FAT4: variants seen among roughly 807,000 people sequenced by gnomAD.
The protein encoded by FAT4 is FAT atypical cadherin 4, also known as protocadherin Fat 4.
A neutral mutation model predicts 303.9 loss-of-function variants in FAT4; 84 were observed. The observed-to-expected ratio is 0.28, with a 90% CI of 0.23 to 0.33. The LOEUF (loss-of-function observed/expected upper bound fraction) is 0.33. Among genes scored for constraint, FAT4 ranks in the 10% least tolerant of loss-of-function variants. The pLI is 1.00. For missense variants in FAT4, 6,005 were observed against 6,146.8 expected, an observed-to-expected ratio of 0.98 and a Z score of 0.77; for synonymous variants, 2,307 against 2,298.8, an observed-to-expected ratio of 1.00 and a Z score of -0.10.
chr4:125,400,434 T>G (rs1578599134), intron 3 of FAT4, among the ~76,000 whole-genome samples: 1 of 152,200 alleles, frequency 6.6e-6, no homozygotes, highest in South Asian at 2.1e-4. Context: ...GTTATAATTT[T>G]ATTTCCTTCC....
intron 2 of FAT4, among the ~76,000 whole-genome samples, chr4:125,391,931 A>T (rs1453817848): frequency 6.6e-6 from 1 of 152,124 alleles, no homozygotes; most frequent in Non-Finnish European, 1.5e-5. Flanking sequence ...TTTGCTTAAA[A>T]ACAGAAATAT....
At chr4:125,394,597 T>C (rs1450334919) in intron 2 of FAT4, among the ~76,000 whole-genome samples, 1 of 152,200 alleles carries the variant, frequency 6.6e-6, no homozygotes, top group Non-Finnish European at 1.5e-5. Context: ...TTAAGAATTA[T>C]AAAAATGTAG....
At chr4:125,337,100 A>G (rs752240977) in intron 2 of FAT4, among the ~76,000 whole-genome samples, 1 of 151,952 alleles carries the variant, frequency 6.6e-6, no homozygotes, top group Non-Finnish European at 1.5e-5. Context: ...CTGGTCTTCA[A>G]TTGTTATAAA....
intron 3 of FAT4, among the ~76,000 whole-genome samples, chr4:125,399,145 TTTAGG>T (rs1734291809): frequency 6.6e-6 from 1 of 152,100 alleles, no homozygotes; most frequent in Admixed American, 6.6e-5. Flanking sequence ...CTGCTTGCAC[TTTAGG>T]TTACTTAGCC....
intron 16 of FAT4, among the ~76,000 whole-genome samples, chr4:125,486,180 A>C (rs1235478238): frequency 4.0e-5 from 6 of 151,398 alleles, no homozygotes. Context: ...AGCTATAACC[A>C]AAGAAAGTTG....
chr4:125,316,334 C>A lies in FAT4; in HGVS notation c.-12-66C>A. Reference sequence around the variant, plus strand: ...CGTCAGCTGAATCTTTGCTGGCGCTCCTTAATCCCTGTAAATATCATTGCG... The same window carrying A: ...CGTCAGCTGAATCTTTGCTGGCGCTACTTAATCCCTGTAAATATCATTGCG... On this transcript the variant is annotated intron_variant, in intron 1 of 17. Coordinates refer to ENST00000394329, the MANE Select transcript of FAT4 (RefSeq NM_001291303.3). This position sits in a 1 kb window ranked among gnomAD's most constrained non-coding sequence, Gnocchi z 5.7. 6.6e-7 allele frequency: 1 copy of A among 1,508,542 alleles called. No individual in the cohort carries two copies. The highest frequency in any genetic ancestry group is 1.3e-5 in the South Asian group (1 of 76,082). The allele number at this position is 1,508,542 out of a possible 1,614,324, so 93.4% of individuals were successfully genotyped here.
chr4:125,490,816 T>C lies in FAT4; in HGVS notation c.14000T>C (p.Met4667Thr), dbSNP rs377437035. Residue 4667 changes from methionine (M) to threonine (T), a missense_variant, in exon 18 of 18, where the codon ATG (methionine) becomes ACG (threonine). Coordinates refer to ENST00000394329, the MANE Select transcript of FAT4 (RefSeq NM_001291303.3). ...SPLGFARQSP[M>T]PLGASSLTYQ... ...CTAGGCTTTGCAAGGCAATCCCCCA[T>C]GCCCTTAGGAGCAAGCAGTTTGACT... is the stretch of plus-strand genomic sequence containing the variant. 48 of 1,614,034 alleles carry C rather than the reference T, an allele frequency of 3.0e-5. No individual in the cohort carries two copies. The highest frequency in any genetic ancestry group is 3.8e-5 in the Non-Finnish European group (45 of 1,180,042).
At chr4:125,483,549 G>A (rs1329218077) in intron 16 of FAT4, among the ~76,000 whole-genome samples, 1 of 152,054 alleles carries the variant, frequency 6.6e-6, no homozygotes, top group Non-Finnish European at 1.5e-5. Context: ...ATCCATTTTT[G>A]TCACCATAAA....
chr4:125,454,361 A>G (rs1446183417), intron 10 of FAT4, among the ~76,000 whole-genome samples: 1 of 152,230 alleles, frequency 6.6e-6, no homozygotes, highest in African/African-American at 2.4e-5. Flanking sequence ...GTAAATGAAG[A>G]AAAAGTGGCA....
intron 12 of FAT4, among the ~76,000 whole-genome samples, chr4:125,471,207 G>C (rs1192003587): frequency 6.6e-6 from 1 of 152,114 alleles, no homozygotes; most frequent in Non-Finnish European, 1.5e-5. Flanking sequence ...AACATCCAAG[G>C]ACACTTCACT....
At chr4:125,471,895 C>A (rs954902992) in intron 12 of FAT4, among the ~76,000 whole-genome samples, 183 of 56,122 alleles carry the variant, frequency 3.3e-3, no homozygotes, top group Middle Eastern at 0.028. Context: ...ACTAAAAATA[C>A]AAAAAAAAAA....
intron 2 of FAT4, among the ~76,000 whole-genome samples, chr4:125,361,122 G>A (rs1459474249): frequency 6.6e-6 from 1 of 151,758 alleles, no homozygotes; most frequent in Non-Finnish European, 1.5e-5. Flanking sequence ...TTTCCCCAGT[G>A]GGGCAAAGTT....
At chr4:125,428,263 T>A (rs1848578) in intron 7 of FAT4, among the ~76,000 whole-genome samples, 5 of 152,032 alleles carry the variant, frequency 3.3e-5, no homozygotes, top group African/African-American at 9.7e-5. Context: ...ACACCGCTGC[T>A]CTTCAGCCTG....
rs756218600 is a variant in FAT4 at position 125,450,339 on chromosome 4, T to C, written c.9329T>C (p.Val3110Ala). The change falls in exon 10 of 18, where the codon GTC (valine) becomes GCC (alanine). Residue 3110 changes from valine (V) to alanine (A), a missense_variant. Transcript: ENST00000394329. ...IPESHSIGSI[V>A]RTVSARDRDA... ...GAGAGCCATAGCATTGGGTCCATTG[T>C]CAGAACTGTTTCTGCAAGAGATAGA... The C allele has an allele frequency of 1.9e-6, 3 of 1,614,132 alleles. No individual in the cohort carries two copies. The highest frequency in any genetic ancestry group is 2.5e-6 in the Non-Finnish European group (3 of 1,179,990).
Position 125,415,061 on chromosome 4 carries a change from G to A in FAT4, c.6098G>A (p.Ser2033Asn), listed in dbSNP as rs748543283. The change falls in exon 6 of 18, where the codon AGC (serine) becomes AAC (asparagine). Residue 2033 changes from serine (S) to asparagine (N), a missense_variant. By Grantham distance (46) the Ser-to-Asn change is conservative. Transcript: ENST00000394329. ...LPQIPASRFTSTAQVSIILLD... is the reference protein window; with the variant it reads ...LPQIPASRFTNTAQVSIILLD... ...CAGATTCCAGCCTCCAGATTCACAA[G>A]CACTGCTCAAGTCTCCATTATTTTG... The A allele has an allele frequency of 1.9e-6, 3 of 1,613,894 alleles. No individual in the cohort carries two copies. The highest frequency in any genetic ancestry group is 2.5e-6 in the Non-Finnish European group (3 of 1,179,970).
rs749582331 is a variant in FAT4 at position 125,317,190 on chromosome 4, C to G, written c.779C>G (p.Pro260Arg). The change falls in exon 2 of 18, where the codon CCT (proline) becomes CGT (arginine). Residue 260 changes from proline (P) to arginine (R), a missense_variant. Coordinates refer to ENST00000394329, the MANE Select transcript of FAT4 (RefSeq NM_001291303.3). This position sits in a 1 kb window ranked among gnomAD's most constrained non-coding sequence, Gnocchi z 7.0. ...FGSSHYQAGV[P>R]EDAVVGSSVL... ...AGTTCTCACTACCAGGCGGGGGTGC[C>G]TGAGGACGCGGTTGTGGGTTCCAGC... 1 of 1,596,058 alleles carries G rather than the reference C, an allele frequency of 6.3e-7. No individual in the cohort carries two copies. The highest frequency in any genetic ancestry group is 8.6e-7 in the Non-Finnish European group (1 of 1,168,310).
At chr4:125,330,229 T>TA (rs1553960089) in intron 2 of FAT4, among the ~76,000 whole-genome samples, 149 of 152,232 alleles carry the variant, frequency 9.8e-4, no homozygotes, top group African/African-American at 3.4e-3. Context: ...TATTTTTTTT[T>TA]ATCTCACATT....
intron 5 of FAT4, among the ~76,000 whole-genome samples, chr4:125,411,726 A>G (rs1734850623): frequency 6.8e-6 from 1 of 147,122 alleles, no homozygotes; most frequent in South Asian, 2.1e-4. Context: ...ATATTTTACT[A>G]TTTATATATA....
At chr4:125,366,050 C>T (rs1210375054) in intron 2 of FAT4, among the ~76,000 whole-genome samples, 6 of 152,096 alleles carry the variant, frequency 3.9e-5, no homozygotes, top group African/African-American at 7.2e-5. Flanking sequence ...ATCTAGATTG[C>T]GTGCCCTTAT....
Sources: allele counts gnomAD v4.1 joint callset (sites outside exome capture counted in the v4.1 genomes callset), GRCh38; gene constraint gnomAD v4.1.1; non-coding constraint Gnocchi (gnomAD v3.1); transcripts MANE v1.5; gene names NCBI Gene and HGNC (gene_info 2026-07-23, HGNC 2026-07-21).